Variants in FILIP1 observed in about 807,000 individuals in gnomAD.
The protein encoded by FILIP1 is filamin A interacting protein 1, also known as filamin-A-interacting protein 1.
A neutral mutation model predicts 102.1 loss-of-function variants in FILIP1; 61 were observed. That is an observed-to-expected ratio of 0.60 (90% confidence interval 0.49 to 0.74). The LOEUF is 0.74. FILIP1 is among the 30% of genes least tolerant of loss of function. FILIP1 has a pLI of 0.00. For missense variants in FILIP1, 1,314 were observed against 1,441.2 expected, an observed-to-expected ratio of 0.91 and a Z score of 1.43; for synonymous variants, 491 against 526.9, an observed-to-expected ratio of 0.93 and a Z score of 0.93.
chr6:75,491,682 C>A (rs1188752608), intron 1 of FILIP1, among the ~76,000 whole-genome samples: 1 of 152,154 alleles, frequency 6.6e-6, no homozygotes, highest in East Asian at 1.9e-4. Context: ...AATAGGAGAA[C>A]AGATCTGCAT....
At chr6:75,475,572 T>C (rs1779451106) in intron 1 of FILIP1, among the ~76,000 whole-genome samples, 3 of 152,230 alleles carry the variant, frequency 2.0e-5, no homozygotes. Flanking sequence ...CTCACATTTT[T>C]TACTCTGATA....
At chr6:75,376,428 A>G (rs1026651328) in intron 2 of FILIP1, among the ~76,000 whole-genome samples, 8 of 151,874 alleles carry the variant, frequency 5.3e-5, no homozygotes, top group African/African-American at 7.3e-5. Context: ...AATGTTGGTT[A>G]CTCCCCACCC....
chr6:75,347,501 TC>T (rs2149594956), intron 4 of FILIP1, among the ~76,000 whole-genome samples: 1 of 152,324 alleles, frequency 6.6e-6, no homozygotes, highest in Admixed American at 6.5e-5. Context: ...GCAACCTTTT[TC>T]TACAGAGTGC....
intron 1 of FILIP1, among the ~76,000 whole-genome samples, chr6:75,436,852 G>A (rs1241259806): frequency 6.6e-6 from 1 of 152,168 alleles, no homozygotes; most frequent in Admixed American, 6.5e-5. Context: ...AGAAGGACTT[G>A]ATTGGTAGCA....
chr6:75,371,369 G>A (rs959486198), intron 2 of FILIP1, among the ~76,000 whole-genome samples: 5 of 152,058 alleles, frequency 3.3e-5, no homozygotes, highest in East Asian at 1.9e-4. Flanking sequence ...AGAAACAGAC[G>A]CAATTTCTTA....
chr6:75,461,713 G>A (rs1779027390), intron 1 of FILIP1, among the ~76,000 whole-genome samples: 1 of 152,144 alleles, frequency 6.6e-6, no homozygotes, highest in Non-Finnish European at 1.5e-5. Flanking sequence ...GCAAAATGAA[G>A]GCGATAAATT....
exon 7 of FILIP1, chr6:75,294,315 C>T (rs1250190844): frequency 2.6e-5 from 4 of 152,144 alleles, no homozygotes; most frequent in Non-Finnish European, 5.9e-5. Context: ...AGCATTCTCT[C>T]TTTAATTTCA....
At chr6:75,465,853 T>G (rs1045731538) in intron 1 of FILIP1, among the ~76,000 whole-genome samples, 1 of 152,132 alleles carries the variant, frequency 6.6e-6, no homozygotes, top group Non-Finnish European at 1.5e-5. Flanking sequence ...GGAGTAAAAG[T>G]CAAAATTCTT....
chr6:75,426,834 C>T (rs1275442638), intron 1 of FILIP1, among the ~76,000 whole-genome samples: 5 of 152,122 alleles, frequency 3.3e-5, no homozygotes, highest in African/African-American at 4.8e-5. Flanking sequence ...GGGCCCTGCA[C>T]TCAGTTTAAT....
At chr6:75,358,339 G>C (rs1392952797) in intron 3 of FILIP1, 1 of 152,180 alleles carries the variant, frequency 6.6e-6, no homozygotes, top group African/African-American at 2.4e-5. Flanking sequence ...ATGGATCTAA[G>C]TACTCTTAAA....
At chr6:75,341,135 G>A (rs963413632) in intron 4 of FILIP1, among the ~76,000 whole-genome samples, 2 of 145,552 alleles carry the variant, frequency 1.4e-5, no homozygotes, top group African/African-American at 5.2e-5. Context: ...TTAATATTGG[G>A]AGACTTGAGG....
chr6:75,355,433 G>A (rs1582388450), intron 3 of FILIP1, among the ~76,000 whole-genome samples: 1 of 125,960 alleles, frequency 7.9e-6, no homozygotes. Context: ...TCACTCTGTT[G>A]CCCAGGCTGG....
chr6:75,432,587 T>G (rs1418409265), intron 1 of FILIP1, among the ~76,000 whole-genome samples: 1 of 152,228 alleles, frequency 6.6e-6, no homozygotes, highest in African/African-American at 2.4e-5. Context: ...AAGCCAATTC[T>G]GCAAAATGTT....
chr6:75,430,833 A>T (rs1213018985), intron 1 of FILIP1, among the ~76,000 whole-genome samples: 1 of 152,188 alleles, frequency 6.6e-6, no homozygotes, highest in Non-Finnish European at 1.5e-5. Context: ...AGCATTTCCC[A>T]GCAGATGGTA....
intron 1 of FILIP1, among the ~76,000 whole-genome samples, chr6:75,451,529 A>G (rs1778630835): frequency 6.6e-6 from 1 of 152,078 alleles, no homozygotes; most frequent in Non-Finnish European, 1.5e-5. Context: ...ATAAAATATC[A>G]TTTTAAAAAG....
intron 6 of FILIP1, among the ~76,000 whole-genome samples, chr6:75,300,334 A>G (rs1023584230): frequency 1.4e-4 from 22 of 152,178 alleles, no homozygotes; most frequent in African/African-American, 4.8e-4. Context: ...ATTTGCCTAT[A>G]TATAACCTGC....
intron 1 of FILIP1, among the ~76,000 whole-genome samples, chr6:75,449,323 G>C (rs775422723): frequency 2.0e-5 from 3 of 152,052 alleles, no homozygotes; most frequent in Admixed American, 1.3e-4. Context: ...TGGGGACTTG[G>C]GGGGAAAGGA....
intron 1 of FILIP1, among the ~76,000 whole-genome samples, chr6:75,435,474 CA>C (rs543564909): frequency 2.7e-4 from 41 of 152,312 alleles, no homozygotes; most frequent in African/African-American, 9.9e-4. Context: ...CCAGATTCCA[CA>C]TTTTTATGCC....
chr6:75,487,135 A>G (rs1779810897), intron 1 of FILIP1, among the ~76,000 whole-genome samples: 1 of 152,188 alleles, frequency 6.6e-6, no homozygotes, highest in Non-Finnish European at 1.5e-5. Flanking sequence ...TCCAAATACC[A>G]GGCTGCTCTT....
Sources: allele counts gnomAD v4.1 joint callset (sites outside exome capture counted in the v4.1 genomes callset), GRCh38; gene constraint gnomAD v4.1.1; transcripts MANE v1.5; gene names NCBI Gene and HGNC (gene_info 2026-07-23, HGNC 2026-07-21).